SMAD3: variants seen among roughly 807,000 people sequenced by gnomAD.
SMAD3 encodes MAD homolog 3.
Under a neutral mutation model 51.8 loss-of-function variants are expected in SMAD3, and 12 were observed. That is an observed-to-expected ratio of 0.23 (90% CI 0.15 to 0.38). SMAD3 has a LOEUF of 0.38. SMAD3 is among the 10% of genes least tolerant of loss of function. The probability of loss-of-function intolerance (pLI) is 1.00; values close to 1 mark genes in which losing one functional copy is unlikely to be tolerated. For synonymous variants in SMAD3, 238 were observed against 227.7 expected (o/e 1.05, Z -0.41); for missense variants, 294 against 565.6 (o/e 0.52, Z 4.87).
intron 1 of SMAD3, chr15:67,137,939 C>A: frequency 1.1e-6 from 1 of 905,268 alleles, no homozygotes; most frequent in Non-Finnish European, 1.8e-6. Flanking sequence ...ATAGGAGGTA[C>A]TAGAATTCGG....
chr15:67,138,174 G>C lies in SMAD3; in HGVS notation c.207-26721G>C, dbSNP rs762435033. The C allele has an allele frequency of 2.5e-4, 290 of 1,161,492 alleles. 1 individual carries two copies. The highest frequency in any genetic ancestry group is 3.3e-4 in the Non-Finnish European group (262 of 792,468). The allele number at this position is 1,161,492 out of a possible 1,614,324, so 71.9% of individuals were successfully genotyped here. A position where few individuals can be genotyped will look rare whatever the true frequency, so the allele number is the denominator to read the frequency against. ...TCCCCACCCGTCCACAGGGTTGCTG[G>C]CCAGAGATCTGTCAGAGTTTCTCCG... On this transcript the variant is annotated intron_variant, in intron 1 of 8. Transcript: ENST00000327367.
At chr15:67,165,142 T>C (rs1962544153) in intron 2 of SMAD3, 54 bp downstream of exon 2, 1 of 1,609,912 alleles carries the variant, frequency 6.2e-7, no homozygotes, top group Non-Finnish European at 8.5e-7. Context: ...TCATCACCTC[T>C]CCCCGGCTCC....
At chr15:67,157,095 C>T (rs1962302316) in intron 1 of SMAD3, among the ~76,000 whole-genome samples, 4 of 145,028 alleles carry the variant, frequency 2.8e-5, no homozygotes, top group Admixed American at 2.7e-4. Context: ...TCACTTCCAC[C>T]TCTGTTGTTA....
intron 1 of SMAD3, among the ~76,000 whole-genome samples, chr15:67,137,435 T>C (rs1166752857): frequency 2.0e-5 from 3 of 152,260 alleles, no homozygotes; most frequent in African/African-American, 7.2e-5. Flanking sequence ...GTTCTGATTC[T>C]GTTGGCTTGC....
rs3214743 is a variant in SMAD3, at chr15:67,181,476, GC to G, written c.871+30del. 1,401 of 1,184,196 alleles carry G rather than the reference GC, an allele frequency of 1.2e-3. 11 individuals are homozygous for G. The highest frequency in any genetic ancestry group is 4.7e-3 in the East Asian group (126 of 26,732). The allele number at this position is 1,184,196 out of a possible 1,614,324, so 73.4% of individuals were successfully genotyped here. ...TCGGTATGGGGTGGCTCCATTCCCC[GC>G]CCCCCCACCCTGCCCCTGCCACTCT... On this transcript the variant is annotated intron_variant, in intron 6 of 8. Coordinates refer to ENST00000327367, the MANE Select transcript of SMAD3 (RefSeq NM_005902.4).
chr15:67,166,557 C>T (rs539694211), intron 3 of SMAD3: 49 of 616,194 alleles, frequency 8.0e-5, no homozygotes, highest in African/African-American at 7.1e-4. Context: ...GGAGTTGATC[C>T]GGTCCTGCGT....
At position 67,170,537 on chromosome 15, in the gene SMAD3, C is replaced by A. The variant is rs2140301047; in HGVS notation, c.608-17C>A. 2.5e-6 allele frequency: 4 copies of A among 1,612,188 alleles called. No individual in the cohort carries two copies. The highest frequency in any genetic ancestry group is 3.4e-6 in the Non-Finnish European group (4 of 1,178,194). ...AAGAATCTTTTGTGAAGTCTCACAA[C>A]TTGTCTCACCTCGCAGGTTCTCCAA... On this transcript the variant is annotated splice_polypyrimidine_tract_variant and intron_variant, in intron 4 of 8. Coordinates refer to ENST00000327367, the MANE Select transcript of SMAD3 (RefSeq NM_005902.4).
intron 7 of SMAD3, 179 bp from the exon 8 acceptor site, chr15:67,187,186 G>T: frequency 1.3e-6 from 1 of 742,568 alleles, no homozygotes; most frequent in Non-Finnish European, 2.4e-6. Context: ...GGACTGGGTT[G>T]GCCTTCCCTT....
chr15:67,166,555 T>G, intron 3 of SMAD3: 1 of 615,388 alleles, frequency 1.6e-6, no homozygotes, highest in South Asian at 1.9e-5. Context: ...TGGGAGTTGA[T>G]CCGGTCCTGC....
intron 1 of SMAD3, chr15:67,138,128 TTTCTC>T: frequency 6.6e-7 from 1 of 1,522,784 alleles, no homozygotes; most frequent in Non-Finnish European, 8.9e-7. Context: ...GGACATGTCT[TTTCTC>T]TTTCTTGAAC....
chr15:67,120,124 C>G (rs780439013), intron 1 of SMAD3, among the ~76,000 whole-genome samples: 1 of 152,174 alleles, frequency 6.6e-6, no homozygotes, highest in Non-Finnish European at 1.5e-5. Flanking sequence ...AAGCCTCTTG[C>G]AACTCACTAG....
chr15:67,142,114 C>T (rs796680629), intron 1 of SMAD3, among the ~76,000 whole-genome samples: 5 of 151,948 alleles, frequency 3.3e-5, no homozygotes, highest in African/African-American at 1.2e-4. Flanking sequence ...CATCTGTCAT[C>T]CCCCGCTCTT....
At chr15:67,075,117 A>G (rs567551533) in intron 1 of SMAD3, among the ~76,000 whole-genome samples, 2 of 152,268 alleles carry the variant, frequency 1.3e-5, no homozygotes, top group South Asian at 4.1e-4. Context: ...CAAAAATGCC[A>G]AAAGGCATTT....
chr15:67,178,895 C>T (rs1205197899), intron 5 of SMAD3, among the ~76,000 whole-genome samples: 3 of 151,948 alleles, frequency 2.0e-5, no homozygotes, highest in Admixed American at 6.6e-5. Flanking sequence ...TGCCTTCATC[C>T]TTATCTTCCT....
intron 1 of SMAD3, among the ~76,000 whole-genome samples, chr15:67,089,520 G>A (rs1019761631): frequency 1.3e-5 from 2 of 152,182 alleles, no homozygotes; most frequent in South Asian, 4.1e-4. Flanking sequence ...TACAGTTAGC[G>A]CAGGAACAGG....
chr15:67,075,642 C>A (rs574246878), intron 1 of SMAD3, among the ~76,000 whole-genome samples: 3 of 152,174 alleles, frequency 2.0e-5, no homozygotes, highest in African/African-American at 7.2e-5. Flanking sequence ...TGGCCGGGCA[C>A]GGTGGCTCAT....
chr15:67,156,951 A>G (rs1002853465), intron 1 of SMAD3, among the ~76,000 whole-genome samples: 4 of 152,238 alleles, frequency 2.6e-5, no homozygotes, highest in African/African-American at 9.6e-5. Context: ...TCACGGGACA[A>G]GAAAATACAT....
intron 1 of SMAD3, among the ~76,000 whole-genome samples, chr15:67,102,410 T>G (rs1960781947): frequency 6.6e-6 from 1 of 152,226 alleles, no homozygotes; most frequent in Admixed American, 6.5e-5. Flanking sequence ...AGTCATGCAC[T>G]TGCTCAGAAA....
chr15:67,068,461 C>T (rs1458935769), intron 1 of SMAD3, among the ~76,000 whole-genome samples: 1 of 152,128 alleles, frequency 6.6e-6, no homozygotes, highest in East Asian at 1.9e-4. Context: ...TGGGGCCATA[C>T]CTTTGGCCTG....
Sources: gnomAD v4.1 joint callset for allele counts (sites outside exome capture counted in the v4.1 genomes callset) on GRCh38, gnomAD v4.1.1 for gene constraint, MANE v1.5 for transcripts, NCBI Gene and HGNC (gene_info 2026-07-23, HGNC 2026-07-21) for gene names.